Variants in ADGRL2 observed in about 807,000 individuals in gnomAD.
ADGRL2 encodes the protein adhesion G protein-coupled receptor L2.
In ADGRL2, 44 loss-of-function variants were observed where a neutral mutation model predicts 157.4. The ratio of observed to expected loss-of-function variants is 0.28; its 90% CI spans 0.22 to 0.36. ADGRL2 has a LOEUF of 0.36. Ranked by LOEUF, ADGRL2 falls within the 10% of genes least tolerant of loss-of-function variation. The probability of loss-of-function intolerance (pLI) is 1.00; values close to 1 mark genes in which losing one functional copy is unlikely to be tolerated. For synonymous variants in ADGRL2, 585 were observed against 624.7 expected, an observed-to-expected ratio of 0.94 and a Z score of 0.95; for missense variants, 1,510 against 1,768.9, an observed-to-expected ratio of 0.85 and a Z score of 2.63.
rs577255065 is a variant in ADGRL2 at position 81,970,211 on chromosome 1, T to C, written c.2734-103T>C. Reference sequence around the variant, plus strand: ...TTAGTTTACTCTGAATAATGTATTTTTGAAATAATAGTGATTTCTCTTAGT... The same window carrying C: ...TTAGTTTACTCTGAATAATGTATTTCTGAAATAATAGTGATTTCTCTTAGT... On this transcript the variant is annotated intron_variant, in intron 15 of 23. Coordinates refer to ENST00000686636, the MANE Select transcript of ADGRL2 (RefSeq NM_001366006.2). The C allele has an allele frequency of 7.8e-4, 632 of 812,846 alleles. 1 individual carries two copies. Among genetic ancestry groups the C allele is most frequent in the Non-Finnish European group, 9.7e-4 (462 of 475,228 alleles). 50.4% of individuals were successfully genotyped at this position (812,846 alleles called of 1,614,324 possible).
At chr1:81,779,867 G>A (rs774174910) in intron 2 of ADGRL2, among the ~76,000 whole-genome samples, 4 of 152,130 alleles carry the variant, frequency 2.6e-5, no homozygotes, top group African/African-American at 4.8e-5. Flanking sequence ...TCTGCCTTCT[G>A]GGAAATGAAA....
intron 2 of ADGRL2, among the ~76,000 whole-genome samples, chr1:81,902,975 C>T (rs1017160864): frequency 2.6e-5 from 4 of 152,108 alleles, no homozygotes; most frequent in Admixed American, 6.6e-5. Context: ...GAAAACAGAG[C>T]AAGTTGTTTA....
At chr1:81,754,522 C>CCTCT (rs137988508) in intron 1 of ADGRL2, among the ~76,000 whole-genome samples, 7,371 of 141,402 alleles carry the variant, frequency 0.052, 599 homozygotes, top group African/African-American at 0.17. Flanking sequence ...TTCTTCCCTC[C>CCTCT]CTCTTTCTCT....
chr1:81,871,036 T>C (rs542980141), intron 2 of ADGRL2, among the ~76,000 whole-genome samples: 1 of 151,316 alleles, frequency 6.6e-6, no homozygotes, highest in South Asian at 2.1e-4. Context: ...GCTGCACCCA[T>C]TACCTCGTCA....
chr1:81,888,563 C>T (rs571058821), intron 2 of ADGRL2, among the ~76,000 whole-genome samples: 17 of 152,024 alleles, frequency 1.1e-4, no homozygotes, highest in South Asian at 2.1e-4. Flanking sequence ...CTCAGCCTCC[C>T]GAGTAGCTAG....
intron 1 of ADGRL2, among the ~76,000 whole-genome samples, chr1:81,740,276 A>G (rs375279699): frequency 6.8e-4 from 104 of 152,328 alleles, no homozygotes; most frequent in African/African-American, 2.5e-3. Flanking sequence ...TACCGAGTAC[A>G]TACCACTACT....
intron 1 of ADGRL2, among the ~76,000 whole-genome samples, chr1:81,441,183 T>A (rs894172621): frequency 3.9e-5 from 6 of 152,166 alleles, no homozygotes; most frequent in Non-Finnish European, 8.8e-5. Context: ...TTATTAAATA[T>A]TAGTATAGTA....
chr1:81,545,509 G>A (rs906169118), intron 2 of ADGRL2, among the ~76,000 whole-genome samples: 2 of 152,076 alleles, frequency 1.3e-5, no homozygotes, highest in African/African-American at 4.8e-5. Context: ...TTGAACTCCT[G>A]ACCTCAAGTG....
chr1:81,977,115 T>G (rs1660391009), intron 17 of ADGRL2, among the ~76,000 whole-genome samples: 1 of 151,846 alleles, frequency 6.6e-6, no homozygotes, highest in South Asian at 2.1e-4. Context: ...CCCTGAAATA[T>G]AGTATCTAAG....
chr1:81,987,921 G>A (rs766928923), intron 23 of ADGRL2, 35 bp downstream of exon 23: 2 of 322,804 alleles, frequency 6.2e-6, no homozygotes, highest in South Asian at 5.9e-5. Context: ...CCTATCAAAT[G>A]TAAATTTTTT....
intron 1 of ADGRL2, among the ~76,000 whole-genome samples, chr1:81,758,999 TTAA>T (rs1349333834): frequency 6.6e-6 from 1 of 152,154 alleles, no homozygotes. Context: ...AACTGTATCA[TTAA>T]TGAGAAGTTA....
chr1:81,818,216 A>G (rs2090616314), intron 1 of ADGRL2, among the ~76,000 whole-genome samples: 1 of 152,106 alleles, frequency 6.6e-6, no homozygotes, highest in African/African-American at 2.4e-5. Context: ...AATCATATTA[A>G]ACTTTCAAAA....
At chr1:81,928,050 A>G (rs561575293) in intron 3 of ADGRL2, among the ~76,000 whole-genome samples, 2 of 152,066 alleles carry the variant, frequency 1.3e-5, no homozygotes, top group Admixed American at 1.3e-4. Flanking sequence ...CATTCACTTG[A>G]TTATTTTGCC....
At chr1:81,745,880 G>C (rs960966418) in intron 1 of ADGRL2, among the ~76,000 whole-genome samples, 1 of 152,064 alleles carries the variant, frequency 6.6e-6, no homozygotes, top group South Asian at 2.1e-4. Flanking sequence ...AAATACTCTT[G>C]TGATTTTGTC....
intron 2 of ADGRL2, among the ~76,000 whole-genome samples, chr1:81,456,010 T>G (rs2077797177): frequency 6.6e-6 from 1 of 152,202 alleles, no homozygotes; most frequent in Admixed American, 6.5e-5. Context: ...TTTTAAAAAC[T>G]TATTTTTAAA....
At chr1:81,479,869 A>G in intron 2 of ADGRL2, among the ~76,000 whole-genome samples, 1 of 152,188 alleles carries the variant, frequency 6.6e-6, no homozygotes, top group East Asian at 1.9e-4. Flanking sequence ...AGATGTCTTC[A>G]TTTGTTCTCT....
At chr1:81,952,857 G>A (rs983194394) in intron 9 of ADGRL2, 130 bp from the exon 10 acceptor site, 1 of 682,164 alleles carries the variant, frequency 1.5e-6, no homozygotes, top group East Asian at 2.7e-5. Flanking sequence ...TGCAGACTCA[G>A]ACTCCAGAGG....
chr1:81,753,789 T>G (rs2085568967), intron 1 of ADGRL2, among the ~76,000 whole-genome samples: 1 of 152,216 alleles, frequency 6.6e-6, no homozygotes, highest in Admixed American at 6.5e-5. Context: ...AGTAATAATT[T>G]GCATCATATC....
chr1:81,744,537 G>A (rs191819290), intron 1 of ADGRL2, among the ~76,000 whole-genome samples: 1 of 152,108 alleles, frequency 6.6e-6, no homozygotes, highest in Non-Finnish European at 1.5e-5. Context: ...GTTGAAGGTG[G>A]AATTTTTATA....
Sources: allele counts gnomAD v4.1 joint callset (sites outside exome capture counted in the v4.1 genomes callset), GRCh38; gene constraint gnomAD v4.1.1; transcripts MANE v1.5; gene names NCBI Gene and HGNC (gene_info 2026-07-23, HGNC 2026-07-21).